The following CLEC16A variants were observed in gnomAD, a reference collection of about 807,000 sequenced individuals.
CLEC16A encodes the protein C-type lectin domain containing 16A.
CLEC16A carries 51 observed loss-of-function variants against 109.5 expected under a neutral mutation model. That is an observed-to-expected ratio of 0.47 (90% confidence interval 0.37 to 0.59). CLEC16A has a LOEUF of 0.59. Among genes scored for constraint, CLEC16A ranks in the 20% least tolerant of loss-of-function variants. CLEC16A has a pLI of 0.00. For missense variants in CLEC16A, 1,339 were observed against 1,394.0 expected (o/e 0.96, Z 0.63); for synonymous variants, 673 against 564.2 (o/e 1.19, Z -2.73).
At chr16:11,117,983 C>CT (rs144980433) in intron 19 of CLEC16A, among the ~76,000 whole-genome samples, 9,811 of 150,988 alleles carry the variant, frequency 0.065, 446 homozygotes, top group Non-Finnish European at 0.1. Flanking sequence ...CTTTTCTTTT[C>CT]TTTTTTTTTA....
In CLEC16A at chr16:11,126,201, G is replaced by T. The variant is rs1171351223; in HGVS notation, c.2641+55G>T. On this transcript the variant is annotated intron_variant, in intron 22 of 23. Transcript: ENST00000409790. The stretch of plus-strand genomic sequence containing the variant: ...CTCGTTCATCATGGTGGGCGTTCAA[G>T]GTCTTTCTCTCTGTGGAGCCTGTGT... The T allele has an allele frequency of 1.9e-6, 3 of 1,608,528 alleles. No homozygotes were observed. The East Asian group carries it at 6.7e-5, about 36-fold the overall frequency.
At chr16:11,082,278 C>T (rs754028372) in intron 19 of CLEC16A, among the ~76,000 whole-genome samples, 2 of 152,176 alleles carry the variant, frequency 1.3e-5, no homozygotes, top group South Asian at 2.1e-4. Context: ...CAGATCTGCT[C>T]GTGGACAGTT....
intron 22 of CLEC16A, among the ~76,000 whole-genome samples, chr16:11,160,305 C>T (rs2054676711): frequency 1.3e-5 from 2 of 152,172 alleles, no homozygotes; most frequent in Admixed American, 6.5e-5. Flanking sequence ...CATCCAAGCC[C>T]TTCCCACCCT....
chr16:11,170,604 G>A (rs756278828), intron 23 of CLEC16A, among the ~76,000 whole-genome samples: 14 of 152,130 alleles, frequency 9.2e-5, no homozygotes, highest in Admixed American at 3.3e-4. Context: ...CTCTCCACCC[G>A]CCCGGCCCAC....
chr16:11,125,825 C>T (rs995406788), intron 21 of CLEC16A, among the ~76,000 whole-genome samples, 154 bp from the exon 22 acceptor site: 1 of 152,150 alleles, frequency 6.6e-6, no homozygotes, highest in Non-Finnish European at 1.5e-5. Context: ...TTCCACTGGT[C>T]TCTGCAGCTT....
intron 19 of CLEC16A, among the ~76,000 whole-genome samples, chr16:11,096,792 G>A (rs1049982170): frequency 6.6e-6 from 1 of 152,200 alleles, no homozygotes; most frequent in Non-Finnish European, 1.5e-5. Flanking sequence ...TTTTGTCCAT[G>A]TACGTAATCA....
At chr16:11,144,294 C>G (rs2053962426) in intron 22 of CLEC16A, among the ~76,000 whole-genome samples, 1 of 152,224 alleles carries the variant, frequency 6.6e-6, no homozygotes, top group African/African-American at 2.4e-5. Context: ...GGACAGCGGC[C>G]TCAGTCTCCT....
intron 13 of CLEC16A, among the ~76,000 whole-genome samples, chr16:11,033,072 A>G (rs1200980060): frequency 6.6e-6 from 1 of 151,852 alleles, no homozygotes; most frequent in Non-Finnish European, 1.5e-5. Flanking sequence ...TGTGGATTGG[A>G]TTAGGCTGCT....
chr16:11,093,524 C>T (rs1273673337), intron 19 of CLEC16A, among the ~76,000 whole-genome samples: 1 of 152,224 alleles, frequency 6.6e-6, no homozygotes, highest in East Asian at 1.9e-4. Flanking sequence ...GGAAGGTGGG[C>T]AGTGACTGGT....
At chr16:10,956,551 G>GGCTCCC (rs2041995988) in intron 1 of CLEC16A, among the ~76,000 whole-genome samples, 1 of 152,170 alleles carries the variant, frequency 6.6e-6, no homozygotes, top group African/African-American at 2.4e-5. Context: ...GACAGGTGAA[G>GGCTCCC]TTACCTGGGG....
intron 22 of CLEC16A, among the ~76,000 whole-genome samples, chr16:11,162,529 G>A (rs970723874): frequency 2.0e-5 from 3 of 152,308 alleles, no homozygotes; most frequent in African/African-American, 4.8e-5. Context: ...ACAACTACCT[G>A]CTTCTCTCAC....
chr16:11,157,090 G>A lies in CLEC16A; in HGVS notation c.2642-9298G>A, dbSNP rs1387729604. 7 of 1,304,330 alleles carry A rather than the reference G, an allele frequency of 5.4e-6. No homozygotes were observed. In the South Asian group the frequency reaches 8.7e-5, roughly 16 times the overall value. 80.8% of individuals were successfully genotyped at this position (1,304,330 alleles called of 1,614,324 possible). The stretch of plus-strand genomic sequence containing the variant: ...TCTTTTCTGCAGGTTTTCAAGGATA[G>A]TGTTTAAAATCTGAGAGGATTTATC... On this transcript the variant is annotated intron_variant, in intron 22 of 23. Transcript: ENST00000409790.
At chr16:10,946,541 G>A (rs572675926) in intron 1 of CLEC16A, among the ~76,000 whole-genome samples, 16 of 152,128 alleles carry the variant, frequency 1.1e-4, no homozygotes, top group African/African-American at 3.4e-4. Flanking sequence ...GCAGCTGGCC[G>A]GGAAAGGGAG....
chr16:11,082,378 G>T (rs554015107), intron 19 of CLEC16A, among the ~76,000 whole-genome samples: 1 of 152,194 alleles, frequency 6.6e-6, no homozygotes, highest in Non-Finnish European at 1.5e-5. Context: ...CCTAGGGTCC[G>T]GTCTTTCAAT....
At chr16:11,094,740 C>G (rs1039575871) in intron 19 of CLEC16A, among the ~76,000 whole-genome samples, 1 of 152,208 alleles carries the variant, frequency 6.6e-6, no homozygotes, top group African/African-American at 2.4e-5. Flanking sequence ...CGTGTAGTTT[C>G]TAATGTAGCT....
intron 19 of CLEC16A, among the ~76,000 whole-genome samples, chr16:11,109,169 CT>C (rs35252592): frequency 8.6e-4 from 115 of 133,014 alleles, no homozygotes; most frequent in Admixed American, 1.4e-3. Flanking sequence ...ACAGCCCTGA[CT>C]TTTTTTTTTT....
intron 22 of CLEC16A, chr16:11,126,529 C>T: frequency 2.7e-6 from 2 of 739,666 alleles, no homozygotes; most frequent in East Asian, 3.4e-5. Flanking sequence ...CGGTTACAAC[C>T]CCCTGAAGAA....
At chr16:11,167,571 T>C (rs1254231551) in intron 23 of CLEC16A, among the ~76,000 whole-genome samples, 1 of 152,060 alleles carries the variant, frequency 6.6e-6, no homozygotes, top group Admixed American at 6.6e-5. Flanking sequence ...TACACCTCTC[T>C]CTTGGGCACT....
At chr16:11,138,014 A>T (rs1442314269) in intron 22 of CLEC16A, among the ~76,000 whole-genome samples, 3 of 152,212 alleles carry the variant, frequency 2.0e-5, no homozygotes, top group Non-Finnish European at 2.9e-5. Flanking sequence ...GCCTCTTCAA[A>T]GCACGGCAGC....
Sources: gnomAD v4.1 joint callset for allele counts (sites outside exome capture counted in the v4.1 genomes callset) on GRCh38, gnomAD v4.1.1 for gene constraint, MANE v1.5 for transcripts, NCBI Gene and HGNC (gene_info 2026-07-23, HGNC 2026-07-21) for gene names.